The following COL21A1 variants were observed in gnomAD, a reference collection of about 807,000 sequenced individuals.
COL21A1 encodes the protein collagen alpha-1(XXI) chain.
COL21A1 carries 149 observed loss-of-function variants against 137.9 expected under a neutral mutation model. The observed-to-expected ratio is 1.08, with a 90% CI of 0.95 to 1.24. COL21A1 has a LOEUF of 1.24. COL21A1 is among the 50% of genes most tolerant of loss of function. The probability of loss-of-function intolerance (pLI) is 0.00; values close to 1 mark genes in which losing one functional copy is unlikely to be tolerated. For synonymous variants in COL21A1, 456 were observed against 391.5 expected, an observed-to-expected ratio of 1.16 and a Z score of -1.95; for missense variants, 1,167 against 1,158.4, an observed-to-expected ratio of 1.01 and a Z score of -0.11.
chr6:56,377,573 G>T (rs1359540740), intron 1 of COL21A1, among the ~76,000 whole-genome samples: 1 of 152,146 alleles, frequency 6.6e-6, no homozygotes, highest in Non-Finnish European at 1.5e-5. Context: ...TCAGTGGTGG[G>T]AACTTGAGTT....
intron 3 of COL21A1, among the ~76,000 whole-genome samples, chr6:56,178,257 A>G (rs569248931): frequency 6.6e-6 from 1 of 152,164 alleles, no homozygotes; most frequent in Admixed American, 6.5e-5. Context: ...ATATGACCAC[A>G]TATTAAAAAT....
At chr6:56,332,387 A>G (rs1056323676) in intron 1 of COL21A1, among the ~76,000 whole-genome samples, 11 of 152,110 alleles carry the variant, frequency 7.2e-5, no homozygotes, top group Admixed American at 1.3e-4. Context: ...TTAGAGGATC[A>G]CTAATGTGAT....
At chr6:56,138,442 T>C (rs1472084412) in intron 12 of COL21A1, among the ~76,000 whole-genome samples, 2 of 151,250 alleles carry the variant, frequency 1.3e-5, no homozygotes, top group Non-Finnish European at 2.9e-5. Context: ...ACCCCAACAT[T>C]TAGAGAATGT....
intron 1 of COL21A1, among the ~76,000 whole-genome samples, chr6:56,274,625 A>C (rs1300420613): frequency 1.3e-5 from 2 of 152,136 alleles, no homozygotes; most frequent in African/African-American, 4.8e-5. Context: ...AGCTACACAC[A>C]AAAAAGAAAA....
chr6:56,129,267 A>C (rs1377791030), intron 12 of COL21A1, among the ~76,000 whole-genome samples: 1 of 151,878 alleles, frequency 6.6e-6, no homozygotes, highest in East Asian at 1.9e-4. Context: ...TACTGGCAAA[A>C]GGGGGGCCTC....
At chr6:56,321,490 TG>T (rs1388241609) in intron 1 of COL21A1, among the ~76,000 whole-genome samples, 1 of 152,238 alleles carries the variant, frequency 6.6e-6, no homozygotes, top group African/African-American at 2.4e-5. Context: ...TCTCACTTTA[TG>T]TTTTTTTGCT....
At chr6:56,267,840 T>C (rs1763429901) in intron 1 of COL21A1, among the ~76,000 whole-genome samples, 1 of 151,240 alleles carries the variant, frequency 6.6e-6, no homozygotes, top group Non-Finnish European at 1.5e-5. Flanking sequence ...GGGGATAAGA[T>C]GACCAACTAG....
rs1764994715 is a variant in COL21A1 at position 56,325,338 on chromosome 6, T to TTA, written c.-39+68631_-39+68632dup. Among the ~76,000 whole-genome samples the TTA allele has an allele frequency of 9.2e-3, 5 of 544 alleles. 1 individual carries two copies. Among genetic ancestry groups the TTA allele is most frequent in the African/African-American group, 9.5e-3 (5 of 524 alleles). 0.4% of individuals were successfully genotyped at this position (544 alleles called of 152,430 possible). A position where few individuals can be genotyped will look rare whatever the true frequency, so the allele number is the denominator to read the frequency against. On this transcript the variant is annotated intron_variant, in intron 1 of 28. Coordinates refer to the COL21A1 transcript ENST00000370819. ...TATTATATATTATATATATTATATA[T>TTA]TATATATTATATATTATATATATTA...
chr6:56,087,810 A>G (rs1161669074), intron 17 of COL21A1, among the ~76,000 whole-genome samples: 1 of 152,078 alleles, frequency 6.6e-6, no homozygotes, highest in Non-Finnish European at 1.5e-5. Context: ...GAGTAGGACA[A>G]TTCTATCTGC....
At chr6:56,351,220 T>G (rs1431494427) in intron 1 of COL21A1, among the ~76,000 whole-genome samples, 1 of 152,240 alleles carries the variant, frequency 6.6e-6, no homozygotes, top group Non-Finnish European at 1.5e-5. Context: ...GGTTCTTGGT[T>G]GTATTCTTTG....
intron 16 of COL21A1, among the ~76,000 whole-genome samples, chr6:56,107,265 C>G (rs190934530): frequency 1.0e-3 from 156 of 152,016 alleles, no homozygotes; most frequent in African/African-American, 3.6e-3. Flanking sequence ...GAGGAGAAAA[C>G]AAGCATAGCC....
At chr6:56,195,632 A>G (rs61524954) in intron 1 of COL21A1, among the ~76,000 whole-genome samples, 14,936 of 152,146 alleles carry the variant, frequency 0.098, 914 homozygotes, top group African/African-American at 0.17. Context: ...AACAAACTGC[A>G]TAACATAAAT....
chr6:56,166,312 T>C (rs1409925496), intron 7 of COL21A1, among the ~76,000 whole-genome samples: 3 of 152,172 alleles, frequency 2.0e-5, no homozygotes, highest in African/African-American at 7.2e-5. Context: ...AGGTCTCATC[T>C]TGCTTTACCT....
chr6:56,138,678 T>A (rs1774182294), intron 12 of COL21A1, among the ~76,000 whole-genome samples: 1 of 152,116 alleles, frequency 6.6e-6, no homozygotes, highest in Admixed American at 6.6e-5. Context: ...ACTGGTGATC[T>A]AAATATGCAG....
chr6:56,374,433 G>A (rs144580257), intron 1 of COL21A1, among the ~76,000 whole-genome samples: 64 of 152,276 alleles, frequency 4.2e-4, no homozygotes, highest in Non-Finnish European at 8.1e-4. Context: ...AATATGATAA[G>A]TAAAAGGGAT....
At chr6:56,330,958 G>A (rs557710328) in intron 1 of COL21A1, among the ~76,000 whole-genome samples, 2 of 152,142 alleles carry the variant, frequency 1.3e-5, no homozygotes, top group East Asian at 3.9e-4. Flanking sequence ...GCCAACATCT[G>A]TTGTCATCTG....
chr6:56,137,632 A>T (rs1434579359), intron 12 of COL21A1, among the ~76,000 whole-genome samples: 1 of 152,204 alleles, frequency 6.6e-6, no homozygotes, highest in African/African-American at 2.4e-5. Context: ...ATACAACAGA[A>T]GACATCCAAA....
At chr6:56,246,839 T>C (rs946507509) in intron 1 of COL21A1, among the ~76,000 whole-genome samples, 50 of 151,040 alleles carry the variant, frequency 3.3e-4, no homozygotes, top group African/African-American at 1.2e-3. Flanking sequence ...TGGAATCACC[T>C]GACAAAAGTT....
chr6:56,137,897 G>A (rs1774116998), intron 12 of COL21A1, among the ~76,000 whole-genome samples: 1 of 152,146 alleles, frequency 6.6e-6, no homozygotes, highest in Non-Finnish European at 1.5e-5. Flanking sequence ...TGCAAAAGCA[G>A]CCACAGAATT....
Sources: gnomAD v4.1 joint callset for allele counts (sites outside exome capture counted in the v4.1 genomes callset) on GRCh38, gnomAD v4.1.1 for gene constraint, MANE v1.5 for transcripts, NCBI Gene and HGNC (gene_info 2026-07-23, HGNC 2026-07-21) for gene names.